FAM193A: variants seen among roughly 807,000 people sequenced by gnomAD.
FAM193A encodes family with sequence similarity 193 member A.
FAM193A carries 22 observed loss-of-function variants against 126.5 expected under a neutral mutation model. The ratio of observed to expected loss-of-function variants is 0.17; its 90% CI spans 0.12 to 0.25. FAM193A has a LOEUF of 0.25. Among genes scored for constraint, FAM193A ranks in the 10% least tolerant of loss-of-function variants. FAM193A has a pLI of 1.00. For synonymous variants in FAM193A, 761 were observed against 646.8 expected (o/e 1.18, Z -2.68); for missense variants, 1,675 against 1,672.8 (o/e 1.00, Z -0.02).
chr4:2,719,871 C>T (rs531723144), intron 20 of FAM193A: 1 of 169,280 alleles, frequency 5.9e-6, no homozygotes, highest in Admixed American at 6.2e-5. Flanking sequence ...TTCACTGCAG[C>T]CTTGACCTCC....
chr4:2,695,160 TG>T, intron 17 of FAM193A, 31 bp downstream of exon 17: 1 of 1,533,498 alleles, frequency 6.5e-7, no homozygotes, highest in Non-Finnish European at 8.8e-7. Flanking sequence ...CATCATGATG[TG>T]GGAAGTGTGC....
chr4:2,689,744 A>G, intron 14 of FAM193A, 40 bp downstream of exon 14: 1 of 1,400,088 alleles, frequency 7.1e-7, no homozygotes, highest in South Asian at 1.3e-5. Context: ...TTTTAAAATA[A>G]CCTGAGTAGA....
intron 2 of FAM193A, among the ~76,000 whole-genome samples, chr4:2,602,589 G>A (rs920937651): frequency 4.6e-5 from 7 of 152,060 alleles, no homozygotes; most frequent in African/African-American, 1.4e-4. Context: ...CTGACCTCAG[G>A]TGATCCACCC....
At chr4:2,640,386 G>T (rs1487923479) in intron 6 of FAM193A, among the ~76,000 whole-genome samples, 3 of 152,186 alleles carry the variant, frequency 2.0e-5, no homozygotes, top group Non-Finnish European at 4.4e-5. Flanking sequence ...AAAAAGGGGT[G>T]CAGAGTGCAG....
intron 1 of FAM193A, among the ~76,000 whole-genome samples, chr4:2,579,202 A>G (rs1006617575): frequency 1.3e-5 from 2 of 151,898 alleles, no homozygotes; most frequent in African/African-American, 2.4e-5. Context: ...CGTACCTTCA[A>G]ATGATATCAT....
intron 1 of FAM193A, among the ~76,000 whole-genome samples, chr4:2,583,402 C>G (rs1399517261): frequency 1.3e-5 from 2 of 152,196 alleles, no homozygotes. Flanking sequence ...AGGACTAGGT[C>G]TCTCCTGTCC....
chr4:2,651,146 C>T (rs1312279189), intron 7 of FAM193A, among the ~76,000 whole-genome samples: 4 of 152,168 alleles, frequency 2.6e-5, no homozygotes, highest in East Asian at 3.8e-4. Flanking sequence ...GCCTGGCCAG[C>T]ATGGAGAAAC....
At chr4:2,729,875 G>A (rs144001000) in intron 20 of FAM193A, among the ~76,000 whole-genome samples, 382 of 152,266 alleles carry the variant, frequency 2.5e-3, no homozygotes, top group African/African-American at 8.1e-3. Context: ...GCCTCCCAAA[G>A]TGCTGGGATT....
At chr4:2,612,631 CT>C (rs1560481538) in intron 2 of FAM193A, among the ~76,000 whole-genome samples, 1 of 152,104 alleles carries the variant, frequency 6.6e-6, no homozygotes, top group Non-Finnish European at 1.5e-5. Flanking sequence ...TAAGAGTCAT[CT>C]TTTTTTGCAT....
At chr4:2,599,145 T>G (rs1386100511) in intron 2 of FAM193A, among the ~76,000 whole-genome samples, 5 of 152,170 alleles carry the variant, frequency 3.3e-5, no homozygotes, top group Non-Finnish European at 5.9e-5. Context: ...ACATTCGTTT[T>G]GGGGCTTTCC....
chr4:2,575,799 G>A (rs1316577298), intron 1 of FAM193A, among the ~76,000 whole-genome samples: 1 of 152,016 alleles, frequency 6.6e-6, no homozygotes, highest in African/African-American at 2.4e-5. Flanking sequence ...GAAGAATTAT[G>A]CTCCCTGCCC....
At chr4:2,544,447 A>C (rs1323498093) in intron 1 of FAM193A, among the ~76,000 whole-genome samples, 1 of 151,892 alleles carries the variant, frequency 6.6e-6, no homozygotes, top group African/African-American at 2.4e-5. Context: ...TCACACCTGT[A>C]ATCCCAGCAC....
In FAM193A at chr4:2,566,620, C is replaced by CG. The variant is rs1738969259; in HGVS notation, c.255+29451dup. Among the ~76,000 whole-genome samples the CG allele has an allele frequency of 2.0e-5, 3 of 151,674 alleles. 1 individual carries two copies. The South Asian group carries it at 6.2e-4, about 32-fold the overall frequency. Reference sequence around the variant, plus strand: ...AGGAGAATCACTTGAACCTGGGAGGCGAGGTTGCAGTGAGCCAAGATCACA... The same window carrying CG: ...AGGAGAATCACTTGAACCTGGGAGGCGGAGGTTGCAGTGAGCCAAGATCACA... On this transcript the variant is annotated intron_variant, in intron 1 of 20. Coordinates refer to ENST00000637812, the MANE Select transcript of FAM193A (RefSeq NM_001366318.2).
At chr4:2,704,944 C>T (rs1213389347) in intron 19 of FAM193A, among the ~76,000 whole-genome samples, 1 of 150,632 alleles carries the variant, frequency 6.6e-6, no homozygotes, top group Non-Finnish European at 1.5e-5. Context: ...CGGAATCTTG[C>T]TCTGTCGCCC....
intron 1 of FAM193A, among the ~76,000 whole-genome samples, chr4:2,546,021 GC>G (rs1737526192): frequency 6.6e-6 from 1 of 152,060 alleles, no homozygotes; most frequent in African/African-American, 2.4e-5. Flanking sequence ...GGTAGCAGGC[GC>G]CTGTAATCAT....
chr4:2,674,181 C>T (rs1339851578), intron 13 of FAM193A, among the ~76,000 whole-genome samples: 1 of 152,204 alleles, frequency 6.6e-6, no homozygotes, highest in Non-Finnish European at 1.5e-5. Context: ...CAAAATACTT[C>T]ATTTGCATCT....
intron 1 of FAM193A, among the ~76,000 whole-genome samples, chr4:2,564,570 T>A (rs1738823134): frequency 6.6e-6 from 1 of 152,058 alleles, no homozygotes; most frequent in African/African-American, 2.4e-5. Flanking sequence ...TTTTCGAACT[T>A]TTTTGTACTG....
At chr4:2,558,766 C>T (rs770302099) in intron 1 of FAM193A, among the ~76,000 whole-genome samples, 15 of 152,156 alleles carry the variant, frequency 9.9e-5, no homozygotes, top group Non-Finnish European at 8.8e-5. Flanking sequence ...TTCGTGAGGC[C>T]GAGGTGGACA....
chr4:2,653,729 A>G (rs1745898754), intron 7 of FAM193A, among the ~76,000 whole-genome samples: 1 of 152,218 alleles, frequency 6.6e-6, no homozygotes, highest in South Asian at 2.1e-4. Flanking sequence ...GGCGTGAGCC[A>G]CCATGCCCAG....
Sources: gnomAD v4.1 joint callset for allele counts (sites outside exome capture counted in the v4.1 genomes callset) on GRCh38, gnomAD v4.1.1 for gene constraint, MANE v1.5 for transcripts, NCBI Gene and HGNC (gene_info 2026-07-23, HGNC 2026-07-21) for gene names.